DUSP22: variants seen among roughly 807,000 people sequenced by gnomAD.
The protein encoded by DUSP22 is dual specificity phosphatase 22.
DUSP22 carries 24 observed loss-of-function variants against 24.5 expected under a neutral mutation model. The ratio of observed to expected loss-of-function variants is 0.98; its 90% CI spans 0.71 to 1.38. The LOEUF (loss-of-function observed/expected upper bound fraction) is 1.38. Among genes scored for constraint, DUSP22 ranks in the 40% most tolerant of loss-of-function variants. The pLI is 0.00. For missense variants in DUSP22, 330 were observed against 269.2 expected, an observed-to-expected ratio of 1.23 and a Z score of -1.58; for synonymous variants, 160 against 106.4, an observed-to-expected ratio of 1.50 and a Z score of -3.10.
chr6:349,757 G>GT lies in DUSP22; in HGVS notation c.*807dup, dbSNP rs573828331. The GT allele has an allele frequency of 9.7e-3, 9,531 of 982,842 alleles. 1 individual carries two copies. The highest frequency in any genetic ancestry group is 0.021 in the Middle Eastern group (40 of 1,910). The allele number at this position is 982,842 out of a possible 1,614,324, so 60.9% of individuals were successfully genotyped here. A position where few individuals can be genotyped will look rare whatever the true frequency, so the allele number is the denominator to read the frequency against. On this transcript the variant is annotated 3_prime_UTR_variant, in exon 7 of 7. Transcript: ENST00000419235. ...GGCTGAGGGTTCCCTAGCGCCTTGA[G>GT]TCAAGGCCACTTTTCAGCCCATCGA...
intron 2 of DUSP22, among the ~76,000 whole-genome samples, chr6:307,606 CAG>C (rs1361962953): frequency 6.6e-6 from 1 of 152,302 alleles, no homozygotes; most frequent in Non-Finnish European, 1.5e-5. Flanking sequence ...GAGTGGAAGC[CAG>C]AGAGAGCAGC....
intron 4 of DUSP22, among the ~76,000 whole-genome samples, chr6:341,788 A>G (rs1439457815): frequency 6.6e-6 from 1 of 152,302 alleles, no homozygotes; most frequent in Non-Finnish European, 1.5e-5. Flanking sequence ...GGAAAGAGCT[A>G]CCGGGGGGTG....
chr6:335,012 T>C (rs1759300388), intron 3 of DUSP22, 102 bp from the exon 4 acceptor site: 2 of 1,341,932 alleles, frequency 1.5e-6, no homozygotes, highest in African/African-American at 1.5e-5. Context: ...TTCTCCTTTT[T>C]ATTTTTTTAT....
chr6:346,284 A>G (rs1759868301), intron 5 of DUSP22, among the ~76,000 whole-genome samples: 1 of 152,300 alleles, frequency 6.6e-6, no homozygotes, highest in Non-Finnish European at 1.5e-5. Flanking sequence ...CATCCTTGAA[A>G]CCTCAGTGGC....
chr6:311,854 T>A (rs753812299), intron 2 of DUSP22, 26 bp from the exon 3 acceptor site: 3 of 1,601,646 alleles, frequency 1.9e-6, no homozygotes, highest in Non-Finnish European at 2.6e-6. Context: ...GATATCAAAA[T>A]GTCCATCCCC....
chr6:305,336 C>G (rs1757773811), intron 2 of DUSP22, among the ~76,000 whole-genome samples: 1 of 152,304 alleles, frequency 6.6e-6, no homozygotes, highest in Non-Finnish European at 1.5e-5. Flanking sequence ...TTGAACTCTC[C>G]ACACCTGTTG....
At chr6:332,459 A>G (rs866537407) in intron 3 of DUSP22, among the ~76,000 whole-genome samples, 3 of 152,302 alleles carry the variant, frequency 2.0e-5, no homozygotes, top group Admixed American at 6.5e-5. Context: ...CCACCTGACA[A>G]GGTGCTCCTG....
intron 3 of DUSP22, among the ~76,000 whole-genome samples, chr6:317,668 G>GT (rs1758394719): frequency 6.6e-6 from 1 of 152,416 alleles, no homozygotes; most frequent in East Asian, 1.9e-4. Context: ...GCTTTATGAC[G>GT]TAAGTGTTCA....
intron 3 of DUSP22, among the ~76,000 whole-genome samples, chr6:330,694 A>T (rs999393461): frequency 2.0e-5 from 3 of 152,302 alleles, no homozygotes; most frequent in African/African-American, 7.2e-5. Context: ...GGACTCAGGC[A>T]GCTCTAAGCT....
intron 1 of DUSP22, among the ~76,000 whole-genome samples, chr6:294,298 C>T (rs1396311144): frequency 6.6e-6 from 1 of 152,278 alleles, no homozygotes; most frequent in African/African-American, 2.4e-5. Context: ...GACTTCCCTG[C>T]TTCAACACTT....
intron 3 of DUSP22, among the ~76,000 whole-genome samples, chr6:318,445 C>CGG (rs1758430842): frequency 6.6e-6 from 1 of 152,312 alleles, no homozygotes. Flanking sequence ...CTGTGGCCCT[C>CGG]CTCCAGCAGC....
rs781082561 is a variant in DUSP22, at chr6:348,936, T to C, written c.603T>C (p.Tyr201=). The change falls in exon 7 of 7, where the codon TAT becomes TAC. Residue 201 remains tyrosine, a synonymous_variant. Coordinates refer to ENST00000419235, the MANE Select transcript of DUSP22 (RefSeq NM_001286555.3). ...TGGCTCCGCTGACCTACGATAATTA[T>C]ACGACGGAGACCTAACGCAAGCGAC... ...PALAPLTYDN[Y]TTET is the part of the protein sequence containing the mutation. 2.5e-6 allele frequency: 4 copies of C among 1,604,406 alleles called. No individual in the cohort carries two copies. The highest frequency in any genetic ancestry group is 2.6e-6 in the Non-Finnish European group (3 of 1,174,840).
intron 1 of DUSP22, among the ~76,000 whole-genome samples, chr6:293,054 A>G (rs1372024851): frequency 1.3e-5 from 2 of 152,292 alleles, no homozygotes; most frequent in Non-Finnish European, 2.9e-5. Context: ...AGAGAAGTTA[A>G]CAGAGTCCTA....
intron 3 of DUSP22, among the ~76,000 whole-genome samples, chr6:333,972 C>T (rs1759253143): frequency 6.6e-6 from 1 of 152,306 alleles, no homozygotes; most frequent in Non-Finnish European, 1.5e-5. Flanking sequence ...GGATTAGGGG[C>T]AGCTACACAT....
chr6:342,308 C>T (rs1413267362), intron 4 of DUSP22, among the ~76,000 whole-genome samples: 1 of 152,296 alleles, frequency 6.6e-6, no homozygotes, highest in African/African-American at 2.4e-5. Context: ...AAGAGACCCA[C>T]ACAGAACAGA....
At chr6:328,769 G>A (rs896625198) in intron 3 of DUSP22, among the ~76,000 whole-genome samples, 7 of 152,422 alleles carry the variant, frequency 4.6e-5, no homozygotes, top group African/African-American at 7.2e-5. Context: ...TTTATCTGCC[G>A]TGGCGGCTTT....
intron 1 of DUSP22, among the ~76,000 whole-genome samples, chr6:301,980 A>G (rs1241785334): frequency 6.6e-6 from 1 of 152,310 alleles, no homozygotes; most frequent in Non-Finnish European, 1.5e-5. Flanking sequence ...ATGTACAAAG[A>G]AAAAAAGCAA....
At chr6:304,771 G>T (rs1357843095) in intron 2 of DUSP22, 110 bp downstream of exon 2, 34 of 1,467,620 alleles carry the variant, frequency 2.3e-5, no homozygotes, top group Non-Finnish European at 3.1e-5. Context: ...TTGCATTGCT[G>T]TGCAGCCATC....
intron 4 of DUSP22, among the ~76,000 whole-genome samples, chr6:338,873 G>A (rs1194499345): frequency 2.0e-5 from 3 of 152,306 alleles, no homozygotes; most frequent in Non-Finnish European, 2.9e-5. Flanking sequence ...GAGACTAGCT[G>A]TTGTCACTTG....
Sources: gnomAD v4.1 joint callset for allele counts (sites outside exome capture counted in the v4.1 genomes callset) on GRCh38, gnomAD v4.1.1 for gene constraint, MANE v1.5 for transcripts, NCBI Gene and HGNC (gene_info 2026-07-23, HGNC 2026-07-21) for gene names.